The following GSE1 variants were observed in gnomAD, a reference collection of about 807,000 sequenced individuals.
The protein encoded by GSE1 is genetic suppressor element 1.
In GSE1, 32 loss-of-function variants were observed where a neutral mutation model predicts 112.6. The ratio of observed to expected loss-of-function variants is 0.28; its 90% CI spans 0.21 to 0.38. GSE1 has a LOEUF of 0.38. GSE1 is among the 10% of genes least tolerant of loss of function. GSE1 has a pLI of 1.00. For missense variants in GSE1, 2,348 were observed against 1,699.2 expected, an observed-to-expected ratio of 1.38 and a Z score of -6.71; for synonymous variants, 1,115 against 735.6, an observed-to-expected ratio of 1.52 and a Z score of -8.35.
chr16:85,466,747 G>A (rs905238720), intron 2 of GSE1, among the ~76,000 whole-genome samples: 1 of 152,096 alleles, frequency 6.6e-6, no homozygotes, highest in Non-Finnish European at 1.5e-5. Flanking sequence ...GCGCACAAGA[G>A]AGCAAGAGAG....
chr16:85,220,350 G>A (rs1017173425), intron 1 of GSE1, among the ~76,000 whole-genome samples: 3 of 152,234 alleles, frequency 2.0e-5, no homozygotes, highest in Non-Finnish European at 2.9e-5. Flanking sequence ...GCCTTGGCTG[G>A]GAGAGGCAAG....
rs547228766 is a variant in GSE1, at chr16:85,320,577, G to A, written c.2284-36886G>A. Among the ~76,000 whole-genome samples, 33 of 152,250 alleles carry A rather than the reference G, an allele frequency of 2.2e-4. No homozygotes were observed. In the South Asian group the frequency reaches 6.6e-3, roughly 31 times the overall value. On this transcript the variant is annotated intron_variant, in intron 1 of 2. Transcript: ENST00000637419. ...CCCAAAGTGCTGGGATTATAAGCGT[G>A]AGCCACCACGCCCGGCCTGTATCCT...
intron 2 of GSE1, among the ~76,000 whole-genome samples, chr16:85,485,917 C>T (rs1001555206): frequency 3.9e-5 from 6 of 152,218 alleles, no homozygotes; most frequent in African/African-American, 1.2e-4. Context: ...GGAGCACAGG[C>T]CCCTTCACCC....
chr16:85,308,797 C>T (rs1220512196), intron 1 of GSE1, among the ~76,000 whole-genome samples: 1 of 150,874 alleles, frequency 6.6e-6, no homozygotes. Flanking sequence ...TTTGGAGAGA[C>T]CAGGTCAAGT....
At chr16:85,411,706 GC>G (rs1298524757) in intron 2 of GSE1, among the ~76,000 whole-genome samples, 1 of 30,608 alleles carries the variant, frequency 3.3e-5, no homozygotes, top group South Asian at 1.0e-3. Flanking sequence ...TACACTCAGG[GC>G]CCCCCGGATA....
At chr16:85,562,621 G>A (rs1328653049) in intron 1 of GSE1, among the ~76,000 whole-genome samples, 2 of 152,262 alleles carry the variant, frequency 1.3e-5, no homozygotes, top group Non-Finnish European at 2.9e-5. Flanking sequence ...ACAGCTCCTG[G>A]ACAGAGCCGG....
intron 2 of GSE1, among the ~76,000 whole-genome samples, chr16:85,462,902 G>A (rs1398207907): frequency 2.7e-5 from 4 of 150,734 alleles, no homozygotes; most frequent in Non-Finnish European, 5.9e-5. Flanking sequence ...ACCGCGCAGG[G>A]ACGCCCCGGC....
At chr16:85,193,949 A>G (rs1597769508) in intron 1 of GSE1, among the ~76,000 whole-genome samples, 3 of 152,140 alleles carry the variant, frequency 2.0e-5, no homozygotes, top group South Asian at 2.1e-4. Context: ...CCAGTTGTAC[A>G]TGCACTTGTG....
At chr16:85,482,414 G>A (rs1039549423) in intron 2 of GSE1, among the ~76,000 whole-genome samples, 3 of 152,198 alleles carry the variant, frequency 2.0e-5, no homozygotes, top group South Asian at 4.1e-4. Context: ...AGGTCAGGTG[G>A]TCTGGATTCA....
intron 1 of GSE1, among the ~76,000 whole-genome samples, chr16:85,258,071 T>G (rs1454730161): frequency 1.3e-5 from 2 of 152,288 alleles, no homozygotes; most frequent in African/African-American, 2.4e-5. Context: ...AGTGCCCCCA[T>G]GGGCAAAACA....
intron 1 of GSE1, among the ~76,000 whole-genome samples, chr16:85,205,215 C>T (rs541357059): frequency 2.4e-4 from 36 of 152,194 alleles, no homozygotes; most frequent in South Asian, 2.1e-3. Context: ...CTGCAACCTC[C>T]GCCTCCTGGG....
rs1001649751 is a variant in GSE1, at chr16:85,420,277, G to A, written c.2464+62634G>A. Reference sequence around the variant, plus strand: ...GTTTTGCCCTGTCGCCCAGGTTGTCGCCCTAGTACCTCTGGAGGGAGTGTG... The same window carrying A: ...GTTTTGCCCTGTCGCCCAGGTTGTCACCCTAGTACCTCTGGAGGGAGTGTG... On this transcript the variant is annotated intron_variant, in intron 2 of 2. Coordinates refer to the GSE1 transcript ENST00000637419. Among the ~76,000 whole-genome samples the A allele has an allele frequency of 1.1e-4, 16 of 152,174 alleles. No homozygotes were observed. The East Asian group carries it at 1.5e-3, about 15-fold the overall frequency.
At chr16:85,293,487 A>G (rs567843682) in intron 1 of GSE1, among the ~76,000 whole-genome samples, 1 of 152,298 alleles carries the variant, frequency 6.6e-6, no homozygotes. Flanking sequence ...TGGAGGTTAC[A>G]GTGAGCTGAG....
chr16:85,436,389 C>T (rs1238963321), intron 2 of GSE1, among the ~76,000 whole-genome samples: 1 of 152,212 alleles, frequency 6.6e-6, no homozygotes, highest in Non-Finnish European at 1.5e-5. Flanking sequence ...CTGAGTCCAG[C>T]CCCAGCATCC....
In GSE1 at chr16:85,661,299, G is replaced by A. The variant is rs775733717; in HGVS notation, c.1794G>A (p.Arg598=). The change falls in exon 9 of 16, where the codon CGG becomes CGA. Residue 598 remains arginine (R), a synonymous_variant. Coordinates refer to ENST00000253458, the MANE Select transcript of GSE1 (RefSeq NM_014615.5). ...TGATGGACAACACCTTGGAGACGCG[G>A]CGGGCCGAAAGCCACTCTCTGCACA... The part of the protein sequence containing the change: ...VSLMDNTLET[R]RAESHSLHSH... 4.3e-6 allele frequency: 7 copies of A among 1,612,836 alleles called. No homozygotes were observed. The highest frequency in any genetic ancestry group is 5.9e-6 in the Non-Finnish European group (7 of 1,179,964).
chr16:85,212,458 G>A (rs2075242661), intron 1 of GSE1, among the ~76,000 whole-genome samples: 1 of 152,118 alleles, frequency 6.6e-6, no homozygotes, highest in Non-Finnish European at 1.5e-5. Context: ...TGGGTAGAGT[G>A]AGCCCTAAGC....
At chr16:85,193,251 A>C (rs922395217) in intron 1 of GSE1, among the ~76,000 whole-genome samples, 5 of 152,162 alleles carry the variant, frequency 3.3e-5, no homozygotes, top group African/African-American at 1.2e-4. Flanking sequence ...CGTGACGTGG[A>C]TAGGCATTGG....
intron 2 of GSE1, among the ~76,000 whole-genome samples, chr16:85,455,268 C>T (rs527921259): frequency 4.9e-4 from 74 of 152,294 alleles, no homozygotes; most frequent in Non-Finnish European, 9.4e-4. Context: ...TGCCTGTAAT[C>T]CCAGCTACTG....
At chr16:85,556,249 T>A (rs1598167123) in exon 1 of GSE1, 1 of 984,230 alleles carries the variant, frequency 1.0e-6, no homozygotes. Flanking sequence ...TGAACGGTGC[T>A]TTTTGTTCAT....
Sources: gnomAD v4.1 joint callset for allele counts (sites outside exome capture counted in the v4.1 genomes callset) on GRCh38, gnomAD v4.1.1 for gene constraint, MANE v1.5 for transcripts, NCBI Gene and HGNC (gene_info 2026-07-23, HGNC 2026-07-21) for gene names.